Variants in MTUS2 observed in about 807,000 individuals in gnomAD.
The protein encoded by MTUS2 is microtubule associated scaffold protein 2.
MTUS2 carries 40 observed loss-of-function variants against 114.1 expected under a neutral mutation model. The ratio of observed to expected loss-of-function variants is 0.35; its 90% CI spans 0.27 to 0.46. The LOEUF (loss-of-function observed/expected upper bound fraction) is 0.46. Ranked by LOEUF, MTUS2 falls within the 20% of genes least tolerant of loss-of-function variation. The pLI is 1.00. For missense variants in MTUS2, 1,679 were observed against 1,705.4 expected, an observed-to-expected ratio of 0.98 and a Z score of 0.27; for synonymous variants, 688 against 672.0, an observed-to-expected ratio of 1.02 and a Z score of -0.37.
intron 5 of MTUS2, among the ~76,000 whole-genome samples, chr13:29,118,645 T>C (rs1200906816): frequency 6.6e-6 from 1 of 152,134 alleles, no homozygotes; most frequent in Non-Finnish European, 1.5e-5. Flanking sequence ...TGAGGTTCTG[T>C]GTGAGTGATC....
At chr13:29,484,508 C>G (rs1250101737) in intron 10 of MTUS2, among the ~76,000 whole-genome samples, 1 of 152,224 alleles carries the variant, frequency 6.6e-6, no homozygotes, top group African/African-American at 2.4e-5. Flanking sequence ...TGCAGAGGGG[C>G]AAAGGCACAG....
At chr13:29,033,821 T>G in intron 3 of MTUS2, 64 bp from the exon 4 acceptor site, 2 of 1,594,174 alleles carry the variant, frequency 1.3e-6, no homozygotes, top group Non-Finnish European at 1.7e-6. Context: ...GGTCTCGTGG[T>G]CCTGTATAGA....
At chr13:29,378,802 TG>T (rs35254644) in intron 8 of MTUS2, among the ~76,000 whole-genome samples, 17,351 of 152,024 alleles carry the variant, frequency 0.11, 1,100 homozygotes, top group African/African-American at 0.17. Context: ...GATTTCAGAG[TG>T]GTGGGGACCC....
intron 4 of MTUS2, among the ~76,000 whole-genome samples, chr13:29,036,810 T>G (rs1887097693): frequency 6.8e-6 from 1 of 146,684 alleles, no homozygotes; most frequent in South Asian, 2.2e-4. Flanking sequence ...GTCTGTTTTA[T>G]CAGAGATTAG....
chr13:28,901,417 G>A (rs948457760), intron 2 of MTUS2, among the ~76,000 whole-genome samples: 14 of 152,146 alleles, frequency 9.2e-5, no homozygotes, highest in African/African-American at 3.1e-4. Flanking sequence ...TTGGCATTAA[G>A]CCTAGGAACT....
At chr13:29,398,749 A>C (rs137873412) in intron 8 of MTUS2, among the ~76,000 whole-genome samples, 10 of 152,128 alleles carry the variant, frequency 6.6e-5, no homozygotes. Context: ...AATTTTTTTA[A>C]AAAATCACAA....
At chr13:28,987,928 A>C (rs7140033) in intron 2 of MTUS2, among the ~76,000 whole-genome samples, 67,814 of 152,006 alleles carry the variant, frequency 0.45, 15,665 homozygotes, top group East Asian at 0.68. Context: ...TGAGTTTGTG[A>C]CTTCTGGGCT....
At chr13:29,313,010 A>G (rs539202226) in intron 6 of MTUS2, among the ~76,000 whole-genome samples, 174 of 152,368 alleles carry the variant, frequency 1.1e-3, no homozygotes, top group Non-Finnish European at 2.2e-3. Flanking sequence ...AATAATAACC[A>G]ACTCATTTAT....
chr13:29,151,395 C>T (rs1001412737), intron 5 of MTUS2, among the ~76,000 whole-genome samples: 8 of 152,162 alleles, frequency 5.3e-5, no homozygotes, highest in Admixed American at 5.2e-4. Context: ...ATTTTGTATT[C>T]AGAAACTTTA....
chr13:29,025,557 A>T lies in MTUS2; in HGVS notation c.859A>T (p.Thr287Ser), dbSNP rs1312387181. The change falls in exon 3 of 16, where the codon ACT becomes TCT. Residue 287 changes from threonine (T) to serine (S), a missense_variant. Thr to Ser is a moderately conservative substitution (Grantham distance 58). This residue lies in a region of MTUS2 where 843 missense variants were observed against 770.8 expected (regional missense o/e 1.09). Coordinates refer to ENST00000612955, the MANE Select transcript of MTUS2 (RefSeq NM_001033602.4). ...SAHPEPALNL[T>S]LASKEIPSKL... Reference sequence around the variant, plus strand: ...CCATCCAGAGCCTGCTCTGAATTTGACTTTGGCATCGAAGGAAATCCCAAG... The same window carrying T: ...CCATCCAGAGCCTGCTCTGAATTTGTCTTTGGCATCGAAGGAAATCCCAAG... 2 of 1,613,804 alleles carry T rather than the reference A, an allele frequency of 1.2e-6. No homozygotes were observed. The highest frequency in any genetic ancestry group is 1.7e-6 in the Non-Finnish European group (2 of 1,179,846).
chr13:29,345,796 AGATTTGGGGCT>A (rs1437711144), intron 7 of MTUS2, among the ~76,000 whole-genome samples: 7 of 152,208 alleles, frequency 4.6e-5, no homozygotes, highest in East Asian at 3.9e-4. Context: ...GTCAGAGGGA[AGATTTGGGGCT>A]GAAGGGCTAT....
At chr13:29,257,999 A>G (rs1403515518) in intron 5 of MTUS2, among the ~76,000 whole-genome samples, 3 of 152,188 alleles carry the variant, frequency 2.0e-5, no homozygotes, top group African/African-American at 7.2e-5. Flanking sequence ...ACTCAGCACT[A>G]TGTAGGACCA....
chr13:29,059,575 G>A (rs752957070), intron 4 of MTUS2, among the ~76,000 whole-genome samples: 11 of 152,208 alleles, frequency 7.2e-5, no homozygotes, highest in Non-Finnish European at 5.9e-5. Context: ...TGTGAGAGGC[G>A]AGGGTGGGTG....
intron 5 of MTUS2, among the ~76,000 whole-genome samples, chr13:29,204,248 A>T (rs927339053): frequency 2.6e-5 from 4 of 152,182 alleles, no homozygotes; most frequent in Admixed American, 6.5e-5. Flanking sequence ...ATTAACCACC[A>T]TGCCCGGCCA....
rs1465048725 is a variant in MTUS2 at position 29,468,007 on chromosome 13, G to A, written c.3185-12143G>A. Among the ~76,000 whole-genome samples, 9 of 151,884 alleles carry A rather than the reference G, an allele frequency of 5.9e-5. 1 individual carries two copies. In the South Asian group the frequency reaches 1.5e-3, roughly 25 times the overall value. ...GGCGCACACCTATAGTCCCAGCATC[G>A]GTGGTGGGAGATGAGGTGGGAGGAT... On this transcript the variant is annotated intron_variant, in intron 9 of 15. Transcript: ENST00000612955.
chr13:29,427,194 A>G (rs1212114731), intron 8 of MTUS2, among the ~76,000 whole-genome samples: 1 of 151,732 alleles, frequency 6.6e-6, no homozygotes, highest in Non-Finnish European at 1.5e-5. Flanking sequence ...GTGGACATTC[A>G]CTCCCTCCTG....
chr13:29,076,054 C>T lies in MTUS2; in HGVS notation c.2447-24719C>T, dbSNP rs577599806. 1.1e-3 allele frequency among the ~76,000 whole-genome samples: 160 copies of T among 152,244 alleles called. 1 individual carries two copies. Among genetic ancestry groups the T allele is most frequent in the African/African-American group, 3.7e-3 (155 of 41,546 alleles). On this transcript the variant is annotated intron_variant, in intron 4 of 15. Coordinates refer to ENST00000612955, the MANE Select transcript of MTUS2 (RefSeq NM_001033602.4). ...TTAAGTTCATAAGTTACAATCTATACGTTTCGTATTATAGAAGGTAACATT... is the reference window on the plus strand; with the variant it reads ...TTAAGTTCATAAGTTACAATCTATATGTTTCGTATTATAGAAGGTAACATT...
intron 4 of MTUS2, among the ~76,000 whole-genome samples, chr13:29,093,092 G>A (rs1027523127): frequency 1.3e-5 from 2 of 152,104 alleles, no homozygotes; most frequent in African/African-American, 4.8e-5. Context: ...CCAAAGGAGT[G>A]GGGATTGAGG....
chr13:29,177,379 C>T (rs1893816556), intron 5 of MTUS2, among the ~76,000 whole-genome samples: 1 of 150,494 alleles, frequency 6.6e-6, no homozygotes, highest in Admixed American at 6.6e-5. Context: ...AGCTACTGGA[C>T]ATAATAATAA....
Sources: allele counts gnomAD v4.1 joint callset (sites outside exome capture counted in the v4.1 genomes callset), GRCh38; gene constraint gnomAD v4.1.1; regional missense constraint gnomAD v4.1.1; transcripts MANE v1.5; gene names NCBI Gene and HGNC (gene_info 2026-07-23, HGNC 2026-07-21).